Variants in MRM2 observed in about 807,000 individuals in gnomAD.
The protein encoded by MRM2 is mitochondrial rRNA methyltransferase 2.
In MRM2, 15 loss-of-function variants were observed where a neutral mutation model predicts 10.9. That is an observed-to-expected ratio of 1.37 (90% CI 0.92 to 2.11). The LOEUF (loss-of-function observed/expected upper bound fraction) is 2.11. Ranked by LOEUF, MRM2 falls within the 30% of genes most tolerant of loss-of-function variation. MRM2 has a pLI of 0.00. For synonymous variants in MRM2, 139 were observed against 128.7 expected (o/e 1.08, Z -0.54); for missense variants, 328 against 321.3 (o/e 1.02, Z -0.16).
rs377461612 is a variant in MRM2, at chr7:2,242,140, G to A, written c.8+22C>T. 27 of 1,582,014 alleles carry A rather than the reference G, an allele frequency of 1.7e-5. No individual in the cohort carries two copies. In the African/African-American group the frequency reaches 3.4e-4, roughly 20 times the overall value. On this transcript the variant is annotated intron_variant, in intron 1 of 2. Coordinates refer to ENST00000242257, the MANE Select transcript of MRM2 (RefSeq NM_013393.3). ...CCAACCACTCCCGCTGTCTGCACGCGCAGCAGCAGCGCCCAGCTCACCCCG... is the reference window on the plus strand; with the variant it reads ...CCAACCACTCCCGCTGTCTGCACGCACAGCAGCAGCGCCCAGCTCACCCCG...
At position 2,241,534 on chromosome 7, in the gene MRM2, T is replaced by C. The variant is rs537935599; in HGVS notation, c.8+628A>G. ...CTAGGCTGGTCTCGAACTCCTAGGCTCAAACGATCCTCCTGCCTCAGACTT... is the reference window on the plus strand; with the variant it reads ...CTAGGCTGGTCTCGAACTCCTAGGCCCAAACGATCCTCCTGCCTCAGACTT... On this transcript the variant is annotated intron_variant, in intron 1 of 2. Coordinates refer to ENST00000242257, the MANE Select transcript of MRM2 (RefSeq NM_013393.3). 2.6e-4 allele frequency among the ~76,000 whole-genome samples: 40 copies of C among 152,004 alleles called. 1 individual carries two copies. The South Asian group carries it at 8.3e-3, about 32-fold the overall frequency.
chr7:2,242,041 G>C (rs1018977960), intron 1 of MRM2, 121 bp downstream of exon 1: 18 of 1,086,952 alleles, frequency 1.7e-5, no homozygotes, highest in Non-Finnish European at 2.2e-5. Flanking sequence ...CGCGCTCGCT[G>C]AGTGCGGGGA....
rs1485395840 is a variant in MRM2 at position 2,235,528 on chromosome 7, T to C, written c.335A>G (p.Asp112Gly). Residue 112 changes from aspartate to glycine, a missense_variant, in exon 3 of 3, where the codon GAT (aspartate) becomes GGT (glycine). Physicochemically the swap from Asp to Gly is moderately conservative, Grantham distance 94. Transcript: ENST00000242257. ...TTCCAGGGGGAATATGTGAAGAAGA[T>C]CTACCCCAAGCACGAAGCCAACAGG... ...SSPVGFVLGV[D>G]LLHIFPLEGA... The C allele has an allele frequency of 1.2e-6, 2 of 1,613,224 alleles. No homozygotes were observed. Among genetic ancestry groups the C allele is most frequent in the Non-Finnish European group, 8.5e-7 (1 of 1,179,810 alleles).
intron 1 of MRM2, among the ~76,000 whole-genome samples, chr7:2,241,805 C>G (rs1794548161): frequency 6.6e-6 from 1 of 152,234 alleles, no homozygotes; most frequent in Admixed American, 6.5e-5. Flanking sequence ...CCAGGGCCCA[C>G]TCGACAGCCC....
chr7:2,241,979 G>A, intron 1 of MRM2, 183 bp downstream of exon 1: 1 of 598,826 alleles, frequency 1.7e-6, no homozygotes, highest in Non-Finnish European at 2.7e-6. Context: ...GGAGACCTGA[G>A]GGCGCCCTCC....
intron 2 of MRM2, 21 bp from the exon 3 acceptor site, chr7:2,235,585 G>A (rs1165245563): frequency 9.8e-6 from 15 of 1,527,788 alleles, no homozygotes; most frequent in Non-Finnish European, 1.2e-5. Flanking sequence ...AATGGTGAAT[G>A]TGTTATTTAT....
At chr7:2,240,275 C>A (rs1404330030) in intron 1 of MRM2, 1 of 456,018 alleles carries the variant, frequency 2.2e-6, no homozygotes, top group South Asian at 1.6e-5. Flanking sequence ...ATTTTCTCAT[C>A]TGGCAAAAAT....
At chr7:2,240,216 T>C (rs6962067) in intron 1 of MRM2, 412,311 of 448,638 alleles carry the variant, frequency 0.92, 189,936 homozygotes, top group Non-Finnish European at 0.95. Context: ...AGCGAGACTC[T>C]GTCTCAAACA....
chr7:2,236,550 G>A lies in MRM2; in HGVS notation c.299-986C>T, dbSNP rs145579003. ...CAAAAAAATATAAAAATTAGCTGTA[G>A]TCTCAGCTACTCAGGAGACCCAGCT... On this transcript the variant is annotated intron_variant, in intron 2 of 2. Coordinates refer to ENST00000242257, the MANE Select transcript of MRM2 (RefSeq NM_013393.3). 2.0e-4 allele frequency among the ~76,000 whole-genome samples: 30 copies of A among 152,102 alleles called. 1 individual carries two copies. The East Asian group carries it at 5.8e-3, about 29-fold the overall frequency.
rs1794404105 is a variant in MRM2 at position 2,235,492 on chromosome 7, A to G, written c.371T>C (p.Phe124Ser). 2 of 1,613,884 alleles carry G rather than the reference A, an allele frequency of 1.2e-6. No individual in the cohort carries two copies. The highest frequency in any genetic ancestry group is 1.1e-5 in the South Asian group (1 of 91,078). ...GTCAGTCACGTCAGCAGGGCACAGA[A>G]AAGTTGCTCCTTCCAGGGGGAATAT... ...LHIFPLEGAT[F>S]LCPADVTDPR... The change falls in exon 3 of 3, where the codon TTT (phenylalanine) becomes TCT (serine). Residue 124 changes from phenylalanine (F) to serine (S), a missense_variant. Physicochemically the swap from Phe to Ser is radical, Grantham distance 155. Transcript: ENST00000242257.
intron 2 of MRM2, among the ~76,000 whole-genome samples, chr7:2,236,217 G>A (rs535268683): frequency 2.6e-5 from 4 of 152,252 alleles, no homozygotes; most frequent in African/African-American, 4.8e-5. Flanking sequence ...GCGACAGAGC[G>A]AGACTCGATC....
chr7:2,242,091 C>A (rs1794559171), intron 1 of MRM2, 71 bp downstream of exon 1: 2 of 1,529,176 alleles, frequency 1.3e-6, no homozygotes, highest in South Asian at 2.4e-5. Context: ...AGGCCAGGAC[C>A]GAGGAAGGCG....
chr7:2,239,023 ATATAT>A (rs1562401759), intron 2 of MRM2: 443 of 18,992 alleles, frequency 0.023, 27 homozygotes, highest in African/African-American at 0.096. Context: ...ATATATATAT[ATATAT>A]AATACATATA....
intron 2 of MRM2, chr7:2,238,876 G>C (rs987394423): frequency 6.1e-6 from 1 of 164,500 alleles, no homozygotes; most frequent in Admixed American, 6.4e-5. Flanking sequence ...CAGGTAGGCA[G>C]AGGTTGCAGT....
In MRM2 at chr7:2,239,727, G is replaced by A; in HGVS notation, c.9-20C>T. The A allele has an allele frequency of 1.2e-6, 2 of 1,605,136 alleles. No homozygotes were observed. Among genetic ancestry groups the A allele is most frequent in the Non-Finnish European group, 1.7e-6 (2 of 1,173,566 alleles). On this transcript the variant is annotated intron_variant, in intron 1 of 2. Transcript: ENST00000242257. ...AAGTACCTGGTGGGAGAGAAGAGGA[G>A]CAGGCAGGTTGGCATCACACAGAAC...
intron 2 of MRM2, among the ~76,000 whole-genome samples, chr7:2,236,855 G>T (rs1002446257): frequency 5.3e-5 from 8 of 152,134 alleles, no homozygotes; most frequent in Admixed American, 3.3e-4. Context: ...GGGGCGTTGG[G>T]CTTGTGAAGA....
intron 1 of MRM2, 129 bp downstream of exon 1, chr7:2,242,033 C>A: frequency 9.8e-7 from 1 of 1,021,288 alleles, no homozygotes; most frequent in Non-Finnish European, 1.4e-6. Flanking sequence ...GCCCCTGTCG[C>A]GCTCGCTGAG....
chr7:2,240,343 G>A (rs1194160715), intron 1 of MRM2: 1 of 452,658 alleles, frequency 2.2e-6, no homozygotes, highest in South Asian at 1.6e-5. Context: ...CCTTGCCTTA[G>A]TGACCTAGTT....
chr7:2,236,166 G>T (rs1794415880), intron 2 of MRM2, among the ~76,000 whole-genome samples: 1 of 152,194 alleles, frequency 6.6e-6, no homozygotes. Context: ...GGAAGCGGAG[G>T]TTGCAGTGAG....
Sources: allele counts gnomAD v4.1 joint callset (sites outside exome capture counted in the v4.1 genomes callset), GRCh38; gene constraint gnomAD v4.1.1; transcripts MANE v1.5; gene names NCBI Gene and HGNC (gene_info 2026-07-23, HGNC 2026-07-21).